ERAS: variants seen among roughly 807,000 people sequenced by gnomAD.
ERAS encodes GTPase ERas.
For missense variants in ERAS, 137 were observed against 199.2 expected (o/e 0.69, Z 1.88); for synonymous variants, 87 against 89.1 (o/e 0.98, Z 0.13).
chrX:48,826,838 G>T (rs1394553348), intron 1 of ERAS, among the ~76,000 whole-genome samples: 1 of 112,385 alleles, frequency 8.9e-6, no homozygotes, highest in Admixed American at 9.2e-5. Flanking sequence ...GGCCTCGTCC[G>T]GGAAAGCACG....
rs2063165914 is a variant in ERAS, at chrX:48,829,108, G to C, written c.-16G>C. 9.2e-7 allele frequency: 1 copy of C among 1,092,250 alleles called. No homozygotes were observed. Among genetic ancestry groups the C allele is most frequent in the Middle Eastern group, 3.2e-4 (1 of 3,077 alleles). The allele number at this position is 1,092,250 out of a possible 1,213,427, so 90.0% of individuals were successfully genotyped here. A position where few individuals can be genotyped will look rare whatever the true frequency, so the allele number is the denominator to read the frequency against. ...CCTGCTGCCCACGTCTCTTCCCTGA[G>C]CTGCCTGCTGGGGTCATGGAGCTGC... On this transcript the variant is annotated 5_prime_UTR_variant, in exon 2 of 2. Coordinates refer to ENST00000636362, the MANE Select transcript of ERAS (RefSeq NM_181532.3).
At position 48,829,224 on chromosome X, in the gene ERAS, A is replaced by G; in HGVS notation, c.101A>G (p.Asp34Gly). The change falls in exon 2 of 2, where the codon GAT becomes GGT. Residue 34 changes from aspartate (D) to glycine (G), a missense_variant. Asp to Gly is a moderately conservative substitution (Grantham distance 94). Coordinates refer to ENST00000636362, the MANE Select transcript of ERAS (RefSeq NM_181532.3). ...ETHRAQARRRDVGRQLPEYKA... is the reference protein window; with the variant it reads ...ETHRAQARRRGVGRQLPEYKA... ...CACCGGGCTCAGGCACGCCGCAGGG[A>G]TGTTGGCAGGCAGCTGCCTGAGTAC... 8.4e-7 allele frequency: 1 copy of G among 1,192,502 alleles called. No homozygotes were observed. The highest frequency in any genetic ancestry group is 1.1e-6 in the Non-Finnish European group (1 of 884,683).
At chrX:48,828,152 G>A (rs782404139) in intron 1 of ERAS, among the ~76,000 whole-genome samples, 10 of 106,724 alleles carry the variant, frequency 9.4e-5, no homozygotes, top group Non-Finnish European at 1.5e-4. Context: ...TCAGCCTCCC[G>A]AGTAGCTGGG....
chrX:48,826,988 A>G (rs1557032707), intron 1 of ERAS, among the ~76,000 whole-genome samples: 1 of 112,376 alleles, frequency 8.9e-6, no homozygotes, highest in Non-Finnish European at 1.9e-5. Flanking sequence ...GCGCCACTTG[A>G]GAGGACCGAG....
Position 48,829,508 on chromosome X carries a change from A to G in ERAS, c.385A>G (p.Ile129Val), listed in dbSNP as rs1557033027. 8.3e-7 allele frequency: 1 copy of G among 1,212,078 alleles called. No individual in the cohort carries two copies. The highest frequency in any genetic ancestry group is 1.8e-5 in the South Asian group (1 of 57,014). ...VFALDDPSSL[I>V]QLQQIWATWG... ...CGCTCTCGATGACCCCTCGTCTCTG[A>G]TCCAGCTGCAGCAGATATGGGCCAC... Residue 129 changes from isoleucine to valine, a missense_variant, in exon 2 of 2, where the codon ATC becomes GTC. Physicochemically the swap from Ile to Val is conservative, Grantham distance 29. Transcript: ENST00000636362.
At chrX:48,828,412 C>T (rs2063164720) in intron 1 of ERAS, among the ~76,000 whole-genome samples, 1 of 112,268 alleles carries the variant, frequency 8.9e-6, no homozygotes, top group African/African-American at 3.2e-5. Context: ...ATTTATTGCC[C>T]AACTCCATGT....
chrX:48,829,854 C>T lies in ERAS; in HGVS notation c.*29C>T. 2.8e-6 allele frequency: 3 copies of T among 1,081,214 alleles called. No homozygotes were observed. The highest frequency in any genetic ancestry group is 3.7e-6 in the Non-Finnish European group (3 of 820,241). 89.1% of individuals were successfully genotyped at this position (1,081,214 alleles called of 1,213,427 possible). Reference sequence around the variant, plus strand: ...TCTTGGCCAAGAAATGTAGACCTTTCCCCAGGCCAGGGTGATTGTTCATTT... The same window carrying T: ...TCTTGGCCAAGAAATGTAGACCTTTTCCCAGGCCAGGGTGATTGTTCATTT... On this transcript the variant is annotated 3_prime_UTR_variant, in exon 2 of 2. Transcript: ENST00000636362.
intron 1 of ERAS, among the ~76,000 whole-genome samples, chrX:48,828,451 T>C (rs1233900065): frequency 2.7e-5 from 3 of 112,610 alleles, no homozygotes; most frequent in African/African-American, 9.7e-5. Flanking sequence ...TCCCAATAAA[T>C]GTATGTTGAA....
intron 1 of ERAS, 54 bp downstream of exon 1, chrX:48,826,603 C>G (rs1557032615): frequency 1.8e-5 from 2 of 112,315 alleles, no homozygotes; most frequent in Non-Finnish European, 3.8e-5. Flanking sequence ...TATCCCCGCG[C>G]CGGCTTTGGG....
rs782581436 is a variant in ERAS, at chrX:48,829,498, C to G, written c.375C>G (p.Pro125=). ...TGGGCGTCTTCGCTCTCGATGACCC[C>G]TCGTCTCTGATCCAGCTGCAGCAGA... ...GVLGVFALDD[P]SSLIQLQQIW... Residue 125 remains proline, a synonymous_variant, in exon 2 of 2, where the codon CCC becomes CCG. Transcript: ENST00000636362. 1 of 1,211,333 alleles carries G rather than the reference C, an allele frequency of 8.3e-7. No homozygotes were observed. The highest frequency in any genetic ancestry group is 1.7e-5 in the African/African-American group (1 of 57,727).
rs1557032972 is a variant in ERAS, at chrX:48,829,213, A to T, written c.90A>T (p.Ala30=). The part of the protein sequence containing the change: ...SFQGETHRAQ[A]RRRDVGRQLP... Reference sequence around the variant, plus strand: ...AGGGGGAAACCCACCGGGCTCAGGCACGCCGCAGGGATGTTGGCAGGCAGC... The same window carrying T: ...AGGGGGAAACCCACCGGGCTCAGGCTCGCCGCAGGGATGTTGGCAGGCAGC... The change falls in exon 2 of 2, where the codon GCA becomes GCT. Residue 30 remains alanine, a synonymous_variant. Coordinates refer to ENST00000636362, the MANE Select transcript of ERAS (RefSeq NM_181532.3). 2 of 1,180,590 alleles carry T rather than the reference A, an allele frequency of 1.7e-6. No homozygotes were observed.
Position 48,828,625 on chromosome X carries a change from G to T in ERAS, c.-43-456G>T, listed in dbSNP as rs782622399. Among the ~76,000 whole-genome samples the T allele has an allele frequency of 1.2e-4, 13 of 111,637 alleles. No individual in the cohort carries two copies. The South Asian group carries it at 3.4e-3, about 29-fold the overall frequency. The stretch of plus-strand genomic sequence containing the variant: ...CTGGCAGGCACTGTGCTGGGCTAGG[G>T]TTCAATGGTGACCAAAACCGGCAAA... On this transcript the variant is annotated intron_variant, in intron 1 of 1. Transcript: ENST00000636362.
rs781811041 is a variant in ERAS, at chrX:48,829,764, C to T, written c.641C>T (p.Ser214Phe). The T allele has an allele frequency of 2.5e-6, 3 of 1,188,237 alleles. No individual in the cohort carries two copies. The highest frequency in any genetic ancestry group is 1.8e-5 in the African/African-American group (1 of 56,978). ...EAMAKEPMAR[S>F]CREKTRHQKA... ...ATGGCGAAGGAGCCCATGGCAAGGT[C>T]CTGTAGGGAGAAGACCCGGCACCAG... The change falls in exon 2 of 2, where the codon TCC (serine) becomes TTC (phenylalanine). Residue 214 changes from serine to phenylalanine, a missense_variant. Coordinates refer to ENST00000636362, the MANE Select transcript of ERAS (RefSeq NM_181532.3).
chrX:48,829,426 C>T lies in ERAS; in HGVS notation c.303C>T (p.Ile101=), dbSNP rs781992992. 8.3e-7 allele frequency: 1 copy of T among 1,208,381 alleles called. No homozygotes were observed. ...LNVLDTAGQA[I]HRALRDQCLA... Reference sequence around the variant, plus strand: ...TGCTGGACACAGCAGGGCAGGCCATCCATAGGGCCCTGCGTGACCAGTGCC... The same window carrying T: ...TGCTGGACACAGCAGGGCAGGCCATTCATAGGGCCCTGCGTGACCAGTGCC... The change falls in exon 2 of 2, where the codon ATC becomes ATT. Residue 101 remains isoleucine, a synonymous_variant. Transcript: ENST00000636362.
chrX:48,829,739 A>C lies in ERAS; in HGVS notation c.616A>C (p.Met206Leu), dbSNP rs1295238594. 1 of 1,202,073 alleles carries C rather than the reference A, an allele frequency of 8.3e-7. No individual in the cohort carries two copies. Among genetic ancestry groups the C allele is most frequent in the African/African-American group, 1.7e-5 (1 of 57,406 alleles). The change falls in exon 2 of 2, where the codon ATG becomes CTG. Residue 206 changes from methionine (M) to leucine (L), a missense_variant. Coordinates refer to ENST00000636362, the MANE Select transcript of ERAS (RefSeq NM_181532.3). ...VHEIQRVQEA[M>L]AKEPMARSCR... is the part of the protein sequence containing the mutation. ...TGAGATCCAGAGGGTCCAGGAGGCC[A>C]TGGCGAAGGAGCCCATGGCAAGGTC...
intron 1 of ERAS, 157 bp from the exon 2 acceptor site, chrX:48,828,924 T>A (rs931771202): frequency 6.5e-6 from 2 of 309,191 alleles, no homozygotes; most frequent in Non-Finnish European, 1.1e-5. Flanking sequence ...GAAAACAACA[T>A]AAATCATATA....
intron 1 of ERAS, 87 bp from the exon 2 acceptor site, chrX:48,828,994 A>C (rs1463217612): frequency 2.1e-6 from 1 of 474,395 alleles, no homozygotes; most frequent in African/African-American, 2.4e-5. Context: ...AAATGTTGAA[A>C]TAATGACACC....
intron 1 of ERAS, among the ~76,000 whole-genome samples, chrX:48,828,021 CTTTTTTTTTT>C (rs150963546): frequency 3.3e-5 from 3 of 89,874 alleles, no homozygotes; most frequent in African/African-American, 1.3e-4. Flanking sequence ...ATATAGTTCA[CTTTTTTTTTT>C]TTTTTTTTTT....
At chrX:48,826,965 C>G (rs965293196) in intron 1 of ERAS, among the ~76,000 whole-genome samples, 2 of 112,774 alleles carry the variant, frequency 1.8e-5, no homozygotes, top group African/African-American at 3.2e-5. Context: ...CACGGGGACC[C>G]GCCGGGGGCT....
Sources: allele counts gnomAD v4.1 joint callset (sites outside exome capture counted in the v4.1 genomes callset), GRCh38; gene constraint gnomAD v4.1.1; transcripts MANE v1.5; gene names NCBI Gene and HGNC (gene_info 2026-07-23, HGNC 2026-07-21).